The following CLVS1 variants were observed in gnomAD, a reference collection of about 807,000 sequenced individuals.
CLVS1 encodes clavesin 1.
In CLVS1, 10 loss-of-function variants were observed where a neutral mutation model predicts 33.1. That is an observed-to-expected ratio of 0.30 (90% CI 0.19 to 0.51). The LOEUF (loss-of-function observed/expected upper bound fraction) is 0.51, where lower values mean the gene tolerates loss of function less well. Among genes scored for constraint, CLVS1 ranks in the 20% least tolerant of loss-of-function variants. The pLI, the probability that CLVS1 is intolerant of heterozygous loss-of-function variation, is 0.97. For synonymous variants in CLVS1, 163 were observed against 166.1 expected (o/e 0.98, Z 0.14); for missense variants, 343 against 433.4 (o/e 0.79, Z 1.85).
At chr8:60,989,572 A>C in the CLVS1 span, among the ~76,000 whole-genome samples, 1 of 152,148 alleles carries the variant, frequency 6.6e-6, no homozygotes, top group East Asian at 1.9e-4. Flanking sequence ...GCTATGTGCT[A>C]TTGCTCTAGT....
At chr8:61,112,090 G>A (rs912333276) in intron 1 of CLVS1, among the ~76,000 whole-genome samples, 1 of 151,796 alleles carries the variant, frequency 6.6e-6, no homozygotes, top group African/African-American at 2.4e-5. Context: ...TATTTCAAAT[G>A]ACTGTTGCAG....
the CLVS1 span, among the ~76,000 whole-genome samples, chr8:60,998,280 C>T: frequency 6.6e-6 from 1 of 152,284 alleles, no homozygotes; most frequent in East Asian, 1.9e-4. Flanking sequence ...CAAGTCCTTA[C>T]CCACACCCTA....
At chr8:61,021,343 T>TTTTG in the CLVS1 span, among the ~76,000 whole-genome samples, 2,663 of 151,986 alleles carry the variant, frequency 0.018, 71 homozygotes, top group African/African-American at 0.059. Context: ...CACGGTTGTG[T>TTTTG]TTTGTTTGTT....
At chr8:61,211,845 G>A (rs115611616) in intron 2 of CLVS1, among the ~76,000 whole-genome samples, 4 of 152,300 alleles carry the variant, frequency 2.6e-5, no homozygotes, top group African/African-American at 9.6e-5. Flanking sequence ...CAAAGTCAGA[G>A]AAAAGAGCTT....
At chr8:61,369,312 A>T (rs16927201) in intron 2 of CLVS1, among the ~76,000 whole-genome samples, 9 of 151,960 alleles carry the variant, frequency 5.9e-5, no homozygotes, top group African/African-American at 9.7e-5. Flanking sequence ...TCAGAACACA[A>T]TTTTTTTTCT....
chr8:61,038,239 A>C, the CLVS1 span, among the ~76,000 whole-genome samples: 2 of 152,058 alleles, frequency 1.3e-5, no homozygotes, highest in Non-Finnish European at 2.9e-5. Flanking sequence ...AGAAGCATGA[A>C]TATCCTTCTG....
intron 2 of CLVS1, among the ~76,000 whole-genome samples, chr8:61,301,818 T>G (rs2129594776): frequency 6.6e-6 from 1 of 152,326 alleles, no homozygotes; most frequent in South Asian, 2.1e-4. Context: ...CTCCCACGAC[T>G]GCAGGTTCCT....
intron 3 of CLVS1, among the ~76,000 whole-genome samples, chr8:61,450,764 C>T (rs1021112551): frequency 3.3e-5 from 5 of 152,058 alleles, no homozygotes; most frequent in Non-Finnish European, 5.9e-5. Flanking sequence ...AAAATGATCA[C>T]ATTTAAAAAG....
intron 2 of CLVS1, among the ~76,000 whole-genome samples, chr8:61,172,634 A>G (rs532730261): frequency 6.6e-6 from 1 of 152,208 alleles, no homozygotes; most frequent in Admixed American, 6.5e-5. Context: ...TAGAGGCTTC[A>G]TTACAGAGGG....
At chr8:61,098,045 A>G (rs1397367917) in intron 1 of CLVS1, among the ~76,000 whole-genome samples, 2 of 152,142 alleles carry the variant, frequency 1.3e-5, no homozygotes, top group Non-Finnish European at 1.5e-5. Context: ...TGTAAGTCCT[A>G]GCTATTTGGG....
At chr8:61,291,038 C>G (rs1809969135) in intron 1 of CLVS1, among the ~76,000 whole-genome samples, 1 of 152,126 alleles carries the variant, frequency 6.6e-6, no homozygotes, top group African/African-American at 2.4e-5. Flanking sequence ...AGTTTATATT[C>G]TTTTGCTTGA....
upstream of CLVS1, among the ~76,000 whole-genome samples, chr8:61,053,729 A>G: frequency 6.6e-6 from 1 of 152,228 alleles, no homozygotes; most frequent in African/African-American, 2.4e-5. Flanking sequence ...AGAGATAAGC[A>G]TGTGGCCCAG....
the CLVS1 span, among the ~76,000 whole-genome samples, chr8:61,010,676 T>A: frequency 6.6e-6 from 1 of 152,314 alleles, no homozygotes; most frequent in South Asian, 2.1e-4. Context: ...AACAGGCAAT[T>A]CTATGAGTAT....
chr8:61,218,646 AC>A (rs199969951), intron 2 of CLVS1, among the ~76,000 whole-genome samples: 10,009 of 150,900 alleles, frequency 0.066, 470 homozygotes, highest in East Asian at 0.15. Context: ...TAAAAAAAAA[AC>A]AACAAGGCCA....
At chr8:61,373,126 C>A (rs934908656) in intron 2 of CLVS1, among the ~76,000 whole-genome samples, 2 of 152,012 alleles carry the variant, frequency 1.3e-5, no homozygotes, top group Admixed American at 1.3e-4. Context: ...AGCTAGGAGT[C>A]CAGAAGTCAA....
chr8:61,073,338 ATACGC>A (rs1407380850), intron 1 of CLVS1, among the ~76,000 whole-genome samples: 1 of 152,242 alleles, frequency 6.6e-6, no homozygotes, highest in Non-Finnish European at 1.5e-5. Context: ...TCTACAAACC[ATACGC>A]TGTCAGATTT....
intron 2 of CLVS1, among the ~76,000 whole-genome samples, chr8:61,359,121 G>A (rs1563515002): frequency 2.0e-5 from 3 of 152,078 alleles, no homozygotes; most frequent in Non-Finnish European, 4.4e-5. Context: ...GCTGATTACG[G>A]TTTATTATGA....
At chr8:61,107,701 A>T (rs1805561855) in intron 1 of CLVS1, among the ~76,000 whole-genome samples, 1 of 152,262 alleles carries the variant, frequency 6.6e-6, no homozygotes, top group African/African-American at 2.4e-5. Flanking sequence ...TCGCTGCTTC[A>T]TCTGTGTCTC....
chr8:61,330,067 A>T (rs1233217991), intron 2 of CLVS1, among the ~76,000 whole-genome samples: 4 of 152,072 alleles, frequency 2.6e-5, no homozygotes, highest in African/African-American at 9.7e-5. Context: ...ACCTTTCTAG[A>T]CATTGCTTTT....
Sources: gnomAD v4.1 joint callset for allele counts (sites outside exome capture counted in the v4.1 genomes callset) on GRCh38, gnomAD v4.1.1 for gene constraint, MANE v1.5 for transcripts, NCBI Gene and HGNC (gene_info 2026-07-23, HGNC 2026-07-21) for gene names.